Variants in LSAMP observed in about 807,000 individuals in gnomAD.
LSAMP encodes limbic system-associated membrane protein.
A neutral mutation model predicts 38.6 loss-of-function variants in LSAMP; 7 were observed. The observed-to-expected ratio is 0.18, with a 90% confidence interval of 0.10 to 0.34. LSAMP has a LOEUF of 0.34. LSAMP is among the 10% of genes least tolerant of loss of function. LSAMP has a pLI of 1.00. For synonymous variants in LSAMP, 154 were observed against 166.8 expected, an observed-to-expected ratio of 0.92 and a Z score of 0.59; for missense variants, 313 against 420.0, an observed-to-expected ratio of 0.75 and a Z score of 2.23.
chr3:115,847,634 G>A (rs1935201852), intron 4 of LSAMP, among the ~76,000 whole-genome samples: 1 of 152,178 alleles, frequency 6.6e-6, no homozygotes. Context: ...GATAGTGAAT[G>A]AGTTCTCATG....
chr3:115,820,587 C>A (rs1179074904), intron 6 of LSAMP, among the ~76,000 whole-genome samples: 1 of 152,210 alleles, frequency 6.6e-6, no homozygotes, highest in Non-Finnish European at 1.5e-5. Context: ...TTACACCCAG[C>A]CACATTAGCC....
At chr3:115,831,270 C>G (rs547530538) in intron 6 of LSAMP, among the ~76,000 whole-genome samples, 1 of 152,218 alleles carries the variant, frequency 6.6e-6, no homozygotes, top group African/African-American at 2.4e-5. Flanking sequence ...AGATGGGAGG[C>G]AAACAAGTGA....
At chr3:116,234,636 C>T (rs2046443568) in intron 1 of LSAMP, among the ~76,000 whole-genome samples, 1 of 151,978 alleles carries the variant, frequency 6.6e-6, no homozygotes. Context: ...AAAAATTAAA[C>T]TACAGGTTTT....
intron 3 of LSAMP, among the ~76,000 whole-genome samples, chr3:115,875,366 GA>G (rs2107411185): frequency 6.6e-6 from 1 of 152,206 alleles, no homozygotes; most frequent in South Asian, 2.1e-4. Flanking sequence ...GTAGGGGTTT[GA>G]TAAGTGGCTG....
rs192891215 is a variant in LSAMP at position 116,399,758 on chromosome 3, G to A, written c.155+45119C>T. On this transcript the variant is annotated intron_variant, in intron 1 of 6. Coordinates refer to ENST00000490035, the MANE Select transcript of LSAMP (RefSeq NM_002338.5). ...CAAGTTTATATCCCATTGAGCAAAC[G>A]CTACTGACCAGCAGTCCAGAGGCTA... Among the ~76,000 whole-genome samples, 557 of 152,292 alleles carry A rather than the reference G, an allele frequency of 3.7e-3. 4 individuals carry two copies. The highest frequency in any genetic ancestry group is 0.013 in the African/African-American group (534 of 41,562).
At chr3:116,293,944 A>C (rs1377290131) in intron 1 of LSAMP, among the ~76,000 whole-genome samples, 1 of 152,154 alleles carries the variant, frequency 6.6e-6, no homozygotes, top group African/African-American at 2.4e-5. Flanking sequence ...CTATATGTAT[A>C]TACTATATAC....
chr3:116,107,648 G>A (rs1708498819), intron 1 of LSAMP, among the ~76,000 whole-genome samples: 1 of 152,174 alleles, frequency 6.6e-6, no homozygotes, highest in Non-Finnish European at 1.5e-5. Context: ...ATGAAATTTG[G>A]GCTTGACTGA....
At chr3:116,053,270 T>A (rs1189814987) in intron 2 of LSAMP, among the ~76,000 whole-genome samples, 2 of 152,228 alleles carry the variant, frequency 1.3e-5, no homozygotes, top group Non-Finnish European at 2.9e-5. Context: ...AGCTTTTCAA[T>A]TCAATTAAAT....
intron 6 of LSAMP, among the ~76,000 whole-genome samples, chr3:115,828,056 T>C (rs1934482796): frequency 6.6e-6 from 1 of 152,228 alleles, no homozygotes; most frequent in Admixed American, 6.5e-5. Flanking sequence ...CAAAGCTTTC[T>C]CCAGATAGGT....
rs111437908 is a variant in LSAMP, at chr3:116,220,362, C to T, written c.156-133806G>A. On this transcript the variant is annotated intron_variant, in intron 1 of 6. Coordinates refer to ENST00000490035, the MANE Select transcript of LSAMP (RefSeq NM_002338.5). ...GTCATTTGCATATGACACACACACA[C>T]ACACACACACACACACACACACACA... Among the ~76,000 whole-genome samples, 1,486 of 150,024 alleles carry T rather than the reference C, an allele frequency of 9.9e-3. 22 individuals are homozygous for T. Among genetic ancestry groups the T allele is most frequent in the African/African-American group, 0.033 (1,322 of 40,668 alleles).
chr3:115,854,609 TATAGAA>T (rs1331696221), intron 3 of LSAMP, among the ~76,000 whole-genome samples: 3 of 152,188 alleles, frequency 2.0e-5, no homozygotes, highest in African/African-American at 7.2e-5. Context: ...TTTTACATGT[TATAGAA>T]GTAGAATGTA....
chr3:115,904,161 C>G (rs908244739), intron 3 of LSAMP, among the ~76,000 whole-genome samples: 2 of 151,898 alleles, frequency 1.3e-5, no homozygotes, highest in Non-Finnish European at 2.9e-5. Flanking sequence ...GTGGACATGA[C>G]TATAGATGTT....
At chr3:116,068,384 G>C (rs997339450) in intron 2 of LSAMP, among the ~76,000 whole-genome samples, 3 of 151,996 alleles carry the variant, frequency 2.0e-5, no homozygotes, top group Non-Finnish European at 4.4e-5. Context: ...AATTTAAAAT[G>C]CTCTCATTTT....
chr3:115,847,469 C>T (rs1442479347), intron 4 of LSAMP, among the ~76,000 whole-genome samples: 1 of 152,114 alleles, frequency 6.6e-6, no homozygotes, highest in Non-Finnish European at 1.5e-5. Context: ...AGACCAGGCC[C>T]AATACACCTT....
rs1482434483 is a variant in LSAMP at position 116,086,533 on chromosome 3, G to A, written c.179C>T (p.Ser60Leu). 1 of 1,614,144 alleles carries A rather than the reference G, an allele frequency of 6.2e-7. No homozygotes were observed. Among genetic ancestry groups the A allele is most frequent in the Non-Finnish European group, 8.5e-7 (1 of 1,180,006 alleles). Residue 60 changes from serine (S) to leucine (L), a missense_variant, in exon 2 of 7, where the codon TCA becomes TTA. Transcript: ENST00000490035. The part of the protein sequence containing the change: ...ILRCVVEDKN[S>L]KVAWLNRSGI... ...AGAACGGTTCAACCAGGCCACCTTTGAGTTCTTGTCTTCTACAACGCACCT... is the reference window on the plus strand; with the variant it reads ...AGAACGGTTCAACCAGGCCACCTTTAAGTTCTTGTCTTCTACAACGCACCT...
At chr3:116,057,957 CCACACA>C (rs61123270) in intron 2 of LSAMP, among the ~76,000 whole-genome samples, 3 of 117,482 alleles carry the variant, frequency 2.6e-5, no homozygotes, top group African/African-American at 2.8e-5. Flanking sequence ...ACACACACAC[CCACACA>C]CACACACACA....
intron 1 of LSAMP, among the ~76,000 whole-genome samples, chr3:116,372,451 A>C (rs2048442229): frequency 6.6e-6 from 1 of 151,952 alleles, no homozygotes; most frequent in South Asian, 2.1e-4. Flanking sequence ...TGAGATGTGA[A>C]ACTGTAAAAC....
intron 1 of LSAMP, among the ~76,000 whole-genome samples, chr3:116,349,501 A>ACTCT (rs896330209): frequency 2.5e-4 from 36 of 142,256 alleles, no homozygotes; most frequent in African/African-American, 1.0e-3. Flanking sequence ...ACACACACAC[A>ACTCT]CTCTCTCTCT....
chr3:116,304,053 T>C (rs2047449462), intron 1 of LSAMP, among the ~76,000 whole-genome samples: 1 of 152,106 alleles, frequency 6.6e-6, no homozygotes, highest in South Asian at 2.1e-4. Context: ...TGGTTAATGG[T>C]ATGTATATTC....
Sources: gnomAD v4.1 joint callset for allele counts (sites outside exome capture counted in the v4.1 genomes callset) on GRCh38, gnomAD v4.1.1 for gene constraint, MANE v1.5 for transcripts, NCBI Gene and HGNC (gene_info 2026-07-23, HGNC 2026-07-21) for gene names.